Variants in AKR1B10 observed in about 807,000 individuals in gnomAD.
AKR1B10 encodes the protein aldo-keto reductase family 1 member B10, also known as ARP.
A neutral mutation model predicts 38.9 loss-of-function variants in AKR1B10; 39 were observed. That is an observed-to-expected ratio of 1.00 (90% CI 0.78 to 1.31). The LOEUF is 1.31. Among genes scored for constraint, AKR1B10 ranks in the 50% most tolerant of loss-of-function variants. The pLI is 0.00. For missense variants in AKR1B10, 361 were observed against 382.6 expected (o/e 0.94, Z 0.47); for synonymous variants, 148 against 141.2 (o/e 1.05, Z -0.34).
chr7:134,530,780 G>T lies in AKR1B10; in HGVS notation c.204G>T (p.Val68=), dbSNP rs146429252. The T allele has an allele frequency of 6.2e-7, 1 of 1,613,732 alleles. No individual in the cohort carries two copies. Among genetic ancestry groups the T allele is most frequent in the South Asian group, 1.1e-5 (1 of 91,014 alleles). Residue 68 remains valine (V), a synonymous_variant, in exon 2 of 10, where the codon GTG becomes GTT. Transcript: ENST00000359579. ...AIQEKIQEKA[V]KREDLFIVSK... is the part of the protein sequence containing the mutation. Reference sequence around the variant, plus strand: ...AAGAGAAGATCCAAGAGAAGGCTGTGAAGCGGGAGGACCTGTTCATCGTCA... The same window carrying T: ...AAGAGAAGATCCAAGAGAAGGCTGTTAAGCGGGAGGACCTGTTCATCGTCA...
At chr7:134,539,736 AGTGGTGAAAAAAAGCTTTCACTC>A (rs1186371808) in intron 9 of AKR1B10, among the ~76,000 whole-genome samples, 2 of 152,196 alleles carry the variant, frequency 1.3e-5, no homozygotes, top group African/African-American at 2.4e-5. Context: ...ATCTTAGATA[AGTGGTGAAAAAAAGCTTTCACTC>A]TGGCTGGGCA....
At chr7:134,531,767 G>A in intron 2 of AKR1B10, 141 bp from the exon 3 acceptor site, 1 of 910,554 alleles carries the variant, frequency 1.1e-6, no homozygotes, top group Non-Finnish European at 1.7e-6. Context: ...GTTCCACACT[G>A]TGTCGTGGAT....
intron 1 of AKR1B10, 136 bp downstream of exon 1, chr7:134,528,113 T>C (rs1807737697): frequency 2.6e-6 from 3 of 1,174,162 alleles, no homozygotes; most frequent in African/African-American, 1.5e-5. Context: ...AGCCAGGACT[T>C]AGGTTGCTTT....
chr7:134,527,767 AC>A lies in AKR1B10; in HGVS notation c.-142del. On this transcript the variant is annotated 5_prime_UTR_variant, in exon 1 of 10. Coordinates refer to ENST00000359579, the MANE Select transcript of AKR1B10 (RefSeq NM_020299.5). ...AGGCTGAGGCAGGAGAATTGCTTGA[AC>A]CCAGGAGACAGAGGTTGTAGTGAGC... 4 of 1,220,428 alleles carry A rather than the reference AC, an allele frequency of 3.3e-6. No individual in the cohort carries two copies. Among genetic ancestry groups the A allele is most frequent in the Non-Finnish European group, 4.5e-6 (4 of 883,030 alleles). 75.6% of individuals were successfully genotyped at this position (1,220,428 alleles called of 1,614,324 possible). A position where few individuals can be genotyped will look rare whatever the true frequency, so the allele number is the denominator to read the frequency against.
Position 134,538,240 on chromosome 7 carries a change from A to C in AKR1B10, c.788A>C (p.Lys263Thr). 7 of 1,614,072 alleles carry C rather than the reference A, an allele frequency of 4.3e-6. No individual in the cohort carries two copies. The highest frequency in any genetic ancestry group is 5.9e-6 in the Non-Finnish European group (7 of 1,179,962). The change falls in exon 8 of 10, where the codon AAG becomes ACG. Residue 263 changes from lysine to threonine, a missense_variant. Physicochemically the swap from Lys to Thr is moderately conservative, Grantham distance 78. This residue lies in a region of AKR1B10 where 132 missense variants were observed against 134.6 expected (regional missense o/e 0.98). Coordinates refer to ENST00000359579, the MANE Select transcript of AKR1B10 (RefSeq NM_020299.5). ...CAGAGGAATGTGATTGTCATCCCCAAGTCTGTGACACCAGCACGCATTGTT... is the reference window on the plus strand; with the variant it reads ...CAGAGGAATGTGATTGTCATCCCCACGTCTGTGACACCAGCACGCATTGTT... Reference protein sequence around the residue: ...HIQRNVIVIPKSVTPARIVEN... With the variant: ...HIQRNVIVIPTSVTPARIVEN...
chr7:134,537,757 A>G, intron 7 of AKR1B10, 96 bp downstream of exon 7: 3 of 1,453,426 alleles, frequency 2.1e-6, no homozygotes, highest in Non-Finnish European at 1.9e-6. Context: ...CTTAAAGGGG[A>G]AGAATATAGG....
intron 6 of AKR1B10, 118 bp from the exon 7 acceptor site, chr7:134,537,462 T>C (rs1447968147): frequency 6.4e-6 from 8 of 1,249,050 alleles, no homozygotes; most frequent in Non-Finnish European, 7.9e-6. Flanking sequence ...CAGGTCCTCC[T>C]GCCTGTCTCC....
intron 1 of AKR1B10, 120 bp from the exon 2 acceptor site, chr7:134,530,523 C>A (rs565990047): frequency 1.2e-5 from 13 of 1,047,092 alleles, no homozygotes; most frequent in African/African-American, 3.2e-5. Context: ...GTAATTCCAG[C>A]TACTCGGGAG....
Position 134,527,737 on chromosome 7 carries a change from T to TAAAAAAAA in AKR1B10, c.-175_-174insAAAAAAAA. The TAAAAAAAA allele has an allele frequency of 1.4e-6, 1 of 725,652 alleles. No individual in the cohort carries two copies. The highest frequency in any genetic ancestry group is 1.8e-5 in the African/African-American group (1 of 55,656). The allele number at this position is 725,652 out of a possible 1,614,324, so 45.0% of individuals were successfully genotyped here. On this transcript the variant is annotated 5_prime_UTR_variant, in exon 1 of 10. Coordinates refer to ENST00000359579, the MANE Select transcript of AKR1B10 (RefSeq NM_020299.5). Reference sequence around the variant, plus strand: ...GGTGGGCGCCTGTAATCCCAGCTACTCGGGAGGCTGAGGCAGGAGAATTGC... The same window carrying TAAAAAAAA: ...GGTGGGCGCCTGTAATCCCAGCTACTAAAAAAAACGGGAGGCTGAGGCAGGAGAATTGC...
At chr7:134,540,030 A>C (rs187293706) in intron 9 of AKR1B10, among the ~76,000 whole-genome samples, 191 of 152,106 alleles carry the variant, frequency 1.3e-3, no homozygotes, top group African/African-American at 4.4e-3. Context: ...GATCAAGACC[A>C]TCCTGGCTAA....
intron 3 of AKR1B10, 81 bp from the exon 4 acceptor site, chr7:134,532,923 A>C (rs549298455): frequency 1.7e-6 from 2 of 1,196,930 alleles, no homozygotes; most frequent in Non-Finnish European, 2.4e-6. Flanking sequence ...ATTTAGCAAG[A>C]GTCAGGATCC....
At chr7:134,535,780 A>T in intron 4 of AKR1B10, 2 of 757,118 alleles carry the variant, frequency 2.6e-6, no homozygotes, top group Non-Finnish European at 1.6e-6. Flanking sequence ...TAGCACTTTA[A>T]TTGGACTATA....
chr7:134,532,219 G>A (rs1048948576), intron 3 of AKR1B10, among the ~76,000 whole-genome samples, 195 bp downstream of exon 3: 3 of 152,122 alleles, frequency 2.0e-5, no homozygotes, highest in Non-Finnish European at 4.4e-5. Flanking sequence ...CATGTGTGCT[G>A]CTGAGGTGGC....
At chr7:134,539,090 T>C (rs55832222) in intron 9 of AKR1B10, 73 bp downstream of exon 9, 42,805 of 1,577,824 alleles carry the variant, frequency 0.027, 1,245 homozygotes, top group African/African-American at 0.12. Flanking sequence ...GTTGGAAGGA[T>C]TGGAAGGCTG....
Position 134,527,866 on chromosome 7 carries a change from A to T in AKR1B10, c.-46A>T. The T allele has an allele frequency of 6.2e-7, 1 of 1,611,812 alleles. No homozygotes were observed. Among genetic ancestry groups the T allele is most frequent in the Admixed American group, 1.7e-5 (1 of 60,014 alleles). On this transcript the variant is annotated 5_prime_UTR_variant, in exon 1 of 10. Transcript: ENST00000359579. ...CTCAAAAACAGCAACAGAGAGCAGG[A>T]CGTGAGACTTCTACCTGCTCACTCA...
At chr7:134,528,979 AG>A (rs2117533490) in intron 1 of AKR1B10, among the ~76,000 whole-genome samples, 1 of 152,286 alleles carries the variant, frequency 6.6e-6, no homozygotes, top group East Asian at 1.9e-4. Flanking sequence ...TCAGTGAGGC[AG>A]GTTCCCGAGC....
intron 7 of AKR1B10, 138 bp downstream of exon 7, chr7:134,537,799 G>C: frequency 9.7e-7 from 1 of 1,028,072 alleles, no homozygotes. Context: ...TTCCTTTGAA[G>C]TCTGTTGGAA....
At chr7:134,532,807 C>T (rs765903557) in intron 3 of AKR1B10, among the ~76,000 whole-genome samples, 197 bp from the exon 4 acceptor site, 1 of 152,104 alleles carries the variant, frequency 6.6e-6, no homozygotes, top group Non-Finnish European at 1.5e-5. Context: ...TCAAGCCAGT[C>T]GTTTCTAAAA....
chr7:134,531,256 CTTTA>C (rs1807848591), intron 2 of AKR1B10, among the ~76,000 whole-genome samples: 1 of 152,100 alleles, frequency 6.6e-6, no homozygotes, highest in Non-Finnish European at 1.5e-5. Flanking sequence ...ATATGAATTT[CTTTA>C]TTCATTCTAG....
Sources: allele counts gnomAD v4.1 joint callset (sites outside exome capture counted in the v4.1 genomes callset), GRCh38; gene constraint gnomAD v4.1.1; regional missense constraint gnomAD v4.1.1; transcripts MANE v1.5; gene names NCBI Gene and HGNC (gene_info 2026-07-23, HGNC 2026-07-21).